The following COL2A1 variants were observed in gnomAD, a reference collection of about 807,000 sequenced individuals.
COL2A1 encodes the protein collagen alpha-1(II) chain.
Under a neutral mutation model 204.5 loss-of-function variants are expected in COL2A1, and 28 were observed. The observed-to-expected ratio is 0.14, with a 90% CI of 0.10 to 0.19. The LOEUF (loss-of-function observed/expected upper bound fraction) is 0.19. COL2A1 is among the 10% of genes least tolerant of loss of function. The pLI is 1.00. For missense variants in COL2A1, 1,388 were observed against 2,027.5 expected (o/e 0.68, Z 6.06); for synonymous variants, 708 against 718.7 (o/e 0.99, Z 0.24).
chr12:47,989,889 A>C (rs1208917281), intron 16 of COL2A1, 84 bp from the exon 17 acceptor site: 10 of 1,339,656 alleles, frequency 7.5e-6, no homozygotes, highest in Middle Eastern at 1.8e-4. Flanking sequence ...CAGAAAACGA[A>C]GGACACACTG....
intron 7 of COL2A1, among the ~76,000 whole-genome samples, chr12:47,996,971 A>G (rs892900592): frequency 2.0e-5 from 3 of 152,208 alleles, no homozygotes; most frequent in African/African-American, 7.2e-5. Context: ...GGTGTTCTTT[A>G]TTCTTTAAGA....
chr12:47,994,102 T>C, intron 12 of COL2A1, 55 bp from the exon 13 acceptor site: 3 of 1,600,170 alleles, frequency 1.9e-6, no homozygotes, highest in East Asian at 2.2e-5. Context: ...AGTGGAAAGC[T>C]GCCCTGGGCT....
intron 8 of COL2A1, 25 bp from the exon 9 acceptor site, chr12:47,995,944 G>T (rs199610275): frequency 1.2e-6 from 2 of 1,602,108 alleles, no homozygotes; most frequent in Non-Finnish European, 1.7e-6. Flanking sequence ...AAAATGAGGG[G>T]TTTACTACAC....
At position 47,978,736 on chromosome 12, in the gene COL2A1, G is replaced by A. The variant is rs768207318; in HGVS notation, c.2756C>T (p.Pro919Leu). The A allele has an allele frequency of 3.1e-6, 5 of 1,612,984 alleles. No individual in the cohort carries two copies. In the East Asian group the frequency reaches 8.9e-5, roughly 29 times the overall value. The change falls in exon 42 of 54, where the codon CCC becomes CTC. Residue 919 changes from proline (P) to leucine (L), a missense_variant. Physicochemically the swap from Pro to Leu is moderately conservative, Grantham distance 98. This residue lies in a region of COL2A1 where 884 missense variants were observed against 1,415.8 expected (regional missense o/e 0.62). Coordinates refer to ENST00000380518, the MANE Select transcript of COL2A1 (RefSeq NM_001844.5). The surrounding 1 kb of genome is among the most constrained non-coding windows in gnomAD (Gnocchi z 5.5). ...GSNGNPGPPG[P>L]PGPSGKDGPK... is the part of the protein sequence containing the mutation. Reference sequence around the variant, plus strand: ...ACCATCTTTTCCAGAAGGACCAGGGGGACCAGGGGGTCCAGGGTTGCCCTA... The same window carrying A: ...ACCATCTTTTCCAGAAGGACCAGGGAGACCAGGGGGTCCAGGGTTGCCCTA...
rs752469047 is a variant in COL2A1 at position 47,975,468 on chromosome 12, G to A, written c.3735C>T (p.Ala1245=). 45 of 1,613,882 alleles carry A rather than the reference G, an allele frequency of 2.8e-5. No individual in the cohort carries two copies. Among genetic ancestry groups the A allele is most frequent in the Middle Eastern group, 1.6e-4 (1 of 6,084 alleles). Residue 1245 remains alanine, a synonymous_variant, in exon 51 of 54, where the codon GCC becomes GCT. Coordinates refer to ENST00000380518, the MANE Select transcript of COL2A1 (RefSeq NM_001844.5). The part of the protein sequence containing the change: ...PLQYMRADQA[A]GGLRQHDAEV... ...CGGCGTCATGCTGTCTCAGGCCACCGGCTGCCTGGTCGGCCCGCATGTACT... is the reference window on the plus strand; with the variant it reads ...CGGCGTCATGCTGTCTCAGGCCACCAGCTGCCTGGTCGGCCCGCATGTACT...
At chr12:47,998,354 T>C in intron 3 of COL2A1, 61 bp downstream of exon 3, 1 of 1,533,628 alleles carries the variant, frequency 6.5e-7, no homozygotes, top group Non-Finnish European at 9.0e-7. Flanking sequence ...TAGCATTGCT[T>C]TTGAAGCAGA....
rs774337456 is a variant in COL2A1 at position 47,976,118 on chromosome 12, G to C, written c.3490-48C>G. 27 of 1,408,880 alleles carry C rather than the reference G, an allele frequency of 1.9e-5. No individual in the cohort carries two copies. Among genetic ancestry groups the C allele is most frequent in the Non-Finnish European group, 2.7e-5 (27 of 993,316 alleles). 87.3% of individuals were successfully genotyped at this position (1,408,880 alleles called of 1,614,324 possible). ...GGAAAGAGTGGTCACCACAGGGAAG[G>C]CTGGGGAGTCGCTGGGGCTGGGTAG... On this transcript the variant is annotated intron_variant, in intron 49 of 53. Transcript: ENST00000380518. This position sits in a 1 kb window ranked among gnomAD's most constrained non-coding sequence, Gnocchi z 4.3.
In COL2A1 at chr12:47,976,735, C is replaced by T; in HGVS notation, c.3435+77G>A. On this transcript the variant is annotated intron_variant, in intron 48 of 53. Coordinates refer to ENST00000380518, the MANE Select transcript of COL2A1 (RefSeq NM_001844.5). This position sits in a 1 kb window ranked among gnomAD's most constrained non-coding sequence, Gnocchi z 4.3. The stretch of plus-strand genomic sequence containing the variant: ...CTGCTTAGGGTGATCCCAAGCTGTC[C>T]TGGCAGCACAGGGAGCTCAAGTGGG... 1 of 1,455,702 alleles carries T rather than the reference C, an allele frequency of 6.9e-7. No individual in the cohort carries two copies. Among genetic ancestry groups the T allele is most frequent in the Non-Finnish European group, 9.5e-7 (1 of 1,049,254 alleles). The allele number at this position is 1,455,702 out of a possible 1,614,324, so 90.2% of individuals were successfully genotyped here.
chr12:47,991,504 C>T (rs924548998), intron 16 of COL2A1, among the ~76,000 whole-genome samples: 4 of 152,284 alleles, frequency 2.6e-5, no homozygotes, highest in Non-Finnish European at 2.9e-5. Flanking sequence ...GCTGGGATAC[C>T]ACAGAGCAGA....
Position 47,978,886 on chromosome 12 carries a change from C to T in COL2A1, c.2734-128G>A, listed in dbSNP as rs1938882706. 2.1e-6 allele frequency: 2 copies of T among 969,102 alleles called. No individual in the cohort carries two copies. The highest frequency in any genetic ancestry group is 2.1e-5 in the Admixed American group (1 of 48,414). 60.0% of individuals were successfully genotyped at this position (969,102 alleles called of 1,614,324 possible). On this transcript the variant is annotated intron_variant, in intron 41 of 53. Coordinates refer to ENST00000380518, the MANE Select transcript of COL2A1 (RefSeq NM_001844.5). This position sits in a 1 kb window ranked among gnomAD's most constrained non-coding sequence, Gnocchi z 5.5. ...CTTCTCTACCTCCCCACACTAAGGGCAGGCAGCTTAACCCCCCCAACCCCA... is the reference window on the plus strand; with the variant it reads ...CTTCTCTACCTCCCCACACTAAGGGTAGGCAGCTTAACCCCCCCAACCCCA...
chr12:47,980,858 C>T lies in COL2A1; in HGVS notation c.2517+57G>A. The T allele has an allele frequency of 1.4e-5, 21 of 1,540,104 alleles. No homozygotes were observed. Among genetic ancestry groups the T allele is most frequent in the Non-Finnish European group, 1.7e-5 (19 of 1,136,454 alleles). ...TGACAAGCTCCGATGCCCGAGGGTG[C>T]TGGATGTGGAACTGGCCTGAGTGGA... On this transcript the variant is annotated intron_variant, in intron 38 of 53. Transcript: ENST00000380518. The surrounding 1 kb of genome is among the most constrained non-coding windows in gnomAD (Gnocchi z 4.5).
At chr12:47,988,572 G>A (rs1341974153) in intron 18 of COL2A1, 1 of 158,676 alleles carries the variant, frequency 6.3e-6, no homozygotes, top group East Asian at 1.8e-4. Context: ...CGGGACCTCA[G>A]ACACTGTCTG....
intron 2 of COL2A1, chr12:47,998,983 A>C (rs1222344947): frequency 6.4e-6 from 1 of 155,124 alleles, no homozygotes; most frequent in Non-Finnish European, 1.4e-5. Context: ...GTAGCAGCAA[A>C]ATAGTAAAGG....
chr12:47,998,103 G>C, intron 4 of COL2A1, 39 bp from the exon 5 acceptor site: 2 of 1,614,196 alleles, frequency 1.2e-6, no homozygotes, highest in East Asian at 2.2e-5. Flanking sequence ...AGTTAGAGGA[G>C]AGCACAAGGA....
chr12:48,003,677 C>G (rs1384297754), intron 1 of COL2A1, among the ~76,000 whole-genome samples: 16 of 152,100 alleles, frequency 1.1e-4, no homozygotes, highest in Non-Finnish European at 2.9e-5. Context: ...TTCTTTGTGG[C>G]CTGGGATTTC....
chr12:47,973,898 A>C (rs935141772), intron 53 of COL2A1, among the ~76,000 whole-genome samples, 191 bp downstream of exon 53: 2 of 152,048 alleles, frequency 1.3e-5, no homozygotes, highest in African/African-American at 4.8e-5. Context: ...GAGCCAGGGG[A>C]ATGGAGAAGA....
At position 47,976,564 on chromosome 12, in the gene COL2A1, G is replaced by A. The variant is rs139720910; in HGVS notation, c.3439C>T (p.Pro1147Ser). ...CCAGAAGCACCTTGGTCTCCAGAAG[G>A]ACCCTGTGTAGAAGGAAGAGGCAAA... ...GLQGLPGPPG[P>S]SGDQGASGPA... Residue 1147 changes from proline to serine, a missense_variant, in exon 49 of 54, where the codon CCT becomes TCT. Pro to Ser is a moderately conservative substitution (Grantham distance 74). Coordinates refer to ENST00000380518, the MANE Select transcript of COL2A1 (RefSeq NM_001844.5). This position sits in a 1 kb window ranked among gnomAD's most constrained non-coding sequence, Gnocchi z 4.3. The A allele has an allele frequency of 5.0e-6, 8 of 1,614,204 alleles. No individual in the cohort carries two copies. In the African/African-American group the frequency reaches 6.7e-5, roughly 13 times the overall value.
At position 47,979,716 on chromosome 12, in the gene COL2A1, C is replaced by T. The variant is rs933289165; in HGVS notation, c.2680-152G>A. On this transcript the variant is annotated intron_variant, in intron 40 of 53. Transcript: ENST00000380518. ...GGGGATCCAGGGAGGGAGAAAGGGC[C>T]CCCGGGTCTGGTCATAGAAGCAGGC... The T allele has an allele frequency of 1.7e-5, 13 of 786,294 alleles. No individual in the cohort carries two copies. The African/African-American group carries it at 2.2e-4, about 13-fold the overall frequency. 48.7% of individuals were successfully genotyped at this position (786,294 alleles called of 1,614,324 possible). A position where few individuals can be genotyped will look rare whatever the true frequency, so the allele number is the denominator to read the frequency against.
chr12:47,987,625 G>T lies in COL2A1; in HGVS notation c.1207C>A (p.Pro403Thr). 1 of 1,612,812 alleles carries T rather than the reference G, an allele frequency of 6.2e-7. No individual in the cohort carries two copies. ...GEPGTPGSPG[P>T]AGASGNPGTD... is the part of the protein sequence containing the mutation. ...GCTGCACTTACGGAGGCACCAGCAG[G>T]CCCAGGGGACCCAGGAGTACCAGGT... The change falls in exon 19 of 54, where the codon CCT becomes ACT. Residue 403 changes from proline to threonine, a missense_variant. Physicochemically the swap from Pro to Thr is conservative, Grantham distance 38 (BLOSUM62 -1). This residue lies in a region of COL2A1 where 884 missense variants were observed against 1,415.8 expected (regional missense o/e 0.62). Coordinates refer to ENST00000380518, the MANE Select transcript of COL2A1 (RefSeq NM_001844.5). This position sits in a 1 kb window ranked among gnomAD's most constrained non-coding sequence, Gnocchi z 4.1.
Sources: gnomAD v4.1 joint callset for allele counts (sites outside exome capture counted in the v4.1 genomes callset) on GRCh38, gnomAD v4.1.1 for gene constraint, gnomAD v4.1.1 regional missense constraint, Gnocchi (gnomAD v3.1) non-coding constraint, MANE v1.5 for transcripts, NCBI Gene and HGNC (gene_info 2026-07-23, HGNC 2026-07-21) for gene names.